The following AGO2 variants were observed in gnomAD, a reference collection of about 807,000 sequenced individuals.
AGO2 encodes protein argonaute-2.
A neutral mutation model predicts 102.3 loss-of-function variants in AGO2; 5 were observed. That is an observed-to-expected ratio of 0.05 (90% CI 0.03 to 0.10). AGO2 has a LOEUF of 0.10. Ranked by LOEUF, AGO2 falls within the 10% of genes least tolerant of loss-of-function variation. AGO2 has a pLI of 1.00. For synonymous variants in AGO2, 449 were observed against 473.1 expected (o/e 0.95, Z 0.66); for missense variants, 541 against 1,183.7 (o/e 0.46, Z 7.97).
At chr8:140,617,028 G>A (rs1304521474) in intron 1 of AGO2, among the ~76,000 whole-genome samples, 4 of 148,586 alleles carry the variant, frequency 2.7e-5, no homozygotes, top group South Asian at 2.1e-4. Flanking sequence ...ATGCTGGATC[G>A]GAGATGCAGC....
intron 1 of AGO2, among the ~76,000 whole-genome samples, chr8:140,631,394 T>C (rs1460167049): frequency 6.6e-6 from 1 of 151,820 alleles, no homozygotes; most frequent in African/African-American, 2.4e-5. Flanking sequence ...ATACGAAAAT[T>C]AGCCGGACAT....
chr8:140,610,856 G>A (rs989111950), intron 1 of AGO2, among the ~76,000 whole-genome samples: 25 of 152,298 alleles, frequency 1.6e-4, no homozygotes, highest in East Asian at 1.2e-3. Context: ...TCAGCCAGGC[G>A]GCCACTCCAT....
rs191136860 is a variant in AGO2, at chr8:140,539,275, G to A, written c.2169+45C>T. On this transcript the variant is annotated intron_variant, in intron 16 of 18. Transcript: ENST00000220592. The surrounding 1 kb of genome is among the most constrained non-coding windows in gnomAD (Gnocchi z 4.7). ...GTGAGTGTGCTCGGGGTGTGGGGCT[G>A]AGGGGAGAACCGTGCCCCCTGCCTG... 1.3e-6 allele frequency: 2 copies of A among 1,564,696 alleles called. No individual in the cohort carries two copies. Among genetic ancestry groups the A allele is most frequent in the African/African-American group, 1.4e-5 (1 of 73,808 alleles).
At chr8:140,554,236 C>T (rs1293994623) in intron 10 of AGO2, among the ~76,000 whole-genome samples, 1 of 152,240 alleles carries the variant, frequency 6.6e-6, no homozygotes, top group Admixed American at 6.5e-5. Flanking sequence ...GGATCACGGG[C>T]TCTTCCTCCT....
intron 3 of AGO2, among the ~76,000 whole-genome samples, chr8:140,565,679 T>C (rs1564090433): frequency 6.6e-6 from 1 of 151,890 alleles, no homozygotes; most frequent in Non-Finnish European, 1.5e-5. Flanking sequence ...ATAAACTATA[T>C]AATACATGTA....
intron 17 of AGO2, 113 bp downstream of exon 17, chr8:140,535,355 G>T: frequency 8.9e-7 from 1 of 1,128,078 alleles, no homozygotes; most frequent in African/African-American, 1.5e-5. Flanking sequence ...TACTGCCTGT[G>T]TGGGCCCCTC....
At chr8:140,599,260 G>T (rs991304919) in intron 1 of AGO2, among the ~76,000 whole-genome samples, 1 of 152,164 alleles carries the variant, frequency 6.6e-6, no homozygotes, top group Non-Finnish European at 1.5e-5. Flanking sequence ...TGGTGGCGTC[G>T]CTGTGGTTTC....
At chr8:140,617,513 A>G (rs900809083) in intron 1 of AGO2, among the ~76,000 whole-genome samples, 5 of 152,164 alleles carry the variant, frequency 3.3e-5, no homozygotes, top group Non-Finnish European at 7.4e-5. Context: ...TCAGCCTCCC[A>G]AAGTGCTGGG....
At chr8:140,608,001 C>T (rs926507943) in intron 1 of AGO2, among the ~76,000 whole-genome samples, 1 of 152,200 alleles carries the variant, frequency 6.6e-6, no homozygotes, top group Admixed American at 6.5e-5. Context: ...CTCCTTTATG[C>T]TCCCCCTGGA....
chr8:140,584,653 T>C (rs1260312618), intron 2 of AGO2, among the ~76,000 whole-genome samples: 1 of 152,094 alleles, frequency 6.6e-6, no homozygotes, highest in Non-Finnish European at 1.5e-5. Flanking sequence ...AAAAATAAGC[T>C]ACAAATACAC....
intron 1 of AGO2, among the ~76,000 whole-genome samples, chr8:140,630,245 G>T (rs1263818477): frequency 2.0e-5 from 3 of 152,204 alleles, no homozygotes; most frequent in Non-Finnish European, 4.4e-5. Context: ...AATCTGAGAG[G>T]CCGCCCGTCC....
chr8:140,573,030 A>G (rs1414677449), intron 2 of AGO2, 98 bp from the exon 3 acceptor site: 100 of 1,267,524 alleles, frequency 7.9e-5, no homozygotes, highest in Non-Finnish European at 1.0e-4. Context: ...TTTTTTTGAG[A>G]TGGAGTCTTG....
chr8:140,582,818 A>T (rs939539301), intron 2 of AGO2, among the ~76,000 whole-genome samples: 5 of 152,258 alleles, frequency 3.3e-5, no homozygotes, highest in African/African-American at 1.2e-4. Flanking sequence ...TACTCATTAA[A>T]AGAAAGACAC....
At chr8:140,556,108 T>A in intron 9 of AGO2, 59 bp downstream of exon 9, 1 of 1,611,162 alleles carries the variant, frequency 6.2e-7, no homozygotes, top group South Asian at 1.1e-5. Flanking sequence ...CAGAGGTTTC[T>A]GTGCCAGGGC....
Position 140,551,370 on chromosome 8 carries a change from T to C in AGO2, c.1336A>G (p.Ile446Val). 13 of 1,599,834 alleles carry C rather than the reference T, an allele frequency of 8.1e-6. No homozygotes were observed. The highest frequency in any genetic ancestry group is 1.1e-5 in the Non-Finnish European group (13 of 1,171,024). Residue 446 changes from isoleucine (I) to valine (V), a missense_variant, in exon 11 of 19, where the codon ATC becomes GTC. By Grantham distance (29) the Ile-to-Val change is conservative. Coordinates refer to ENST00000220592, the MANE Select transcript of AGO2 (RefSeq NM_012154.5). ...DMRNKQFHTGIEIKVWAIACF... is the reference protein window; with the variant it reads ...DMRNKQFHTGVEIKVWAIACF... Reference sequence around the variant, plus strand: ...GCAATGGCCCACACCTTGATCTCGATGCCCGTGTGGAACTGCTTGTTCCGC... The same window carrying C: ...GCAATGGCCCACACCTTGATCTCGACGCCCGTGTGGAACTGCTTGTTCCGC...
At chr8:140,606,490 C>T (rs2073999832) in intron 1 of AGO2, among the ~76,000 whole-genome samples, 1 of 152,216 alleles carries the variant, frequency 6.6e-6, no homozygotes, top group Admixed American at 6.5e-5. Context: ...TTCCAAGAAC[C>T]TCTCCACAGC....
At chr8:140,604,560 C>T (rs2073969602) in intron 1 of AGO2, among the ~76,000 whole-genome samples, 1 of 152,106 alleles carries the variant, frequency 6.6e-6, no homozygotes, top group Non-Finnish European at 1.5e-5. Flanking sequence ...GGTGCGGTGG[C>T]TCATGCCTGT....
chr8:140,562,039 A>AG (rs555829439), intron 4 of AGO2, among the ~76,000 whole-genome samples: 4 of 152,304 alleles, frequency 2.6e-5, no homozygotes, highest in Admixed American at 2.6e-4. Flanking sequence ...CCTGAGAAAA[A>AG]GGACGTCCCC....
intron 1 of AGO2, among the ~76,000 whole-genome samples, chr8:140,620,082 A>G (rs1434028050): frequency 6.6e-6 from 1 of 152,214 alleles, no homozygotes; most frequent in Non-Finnish European, 1.5e-5. Context: ...GGAGAGGAAC[A>G]GTCAGAATGT....
Sources: gnomAD v4.1 joint callset for allele counts (sites outside exome capture counted in the v4.1 genomes callset) on GRCh38, gnomAD v4.1.1 for gene constraint, Gnocchi (gnomAD v3.1) non-coding constraint, MANE v1.5 for transcripts, NCBI Gene and HGNC (gene_info 2026-07-23, HGNC 2026-07-21) for gene names.